Variants in NIM1K observed in about 807,000 individuals in gnomAD.
NIM1K encodes the protein NIM1 serine/threonine protein kinase, also known as serine/threonine-protein kinase NIM1.
In NIM1K, 35 loss-of-function variants were observed where a neutral mutation model predicts 37.1. The ratio of observed to expected loss-of-function variants is 0.94; its 90% CI spans 0.72 to 1.25. The LOEUF is 1.25. Ranked by LOEUF, NIM1K falls within the 50% of genes most tolerant of loss-of-function variation. The probability of loss-of-function intolerance (pLI) is 0.00; values close to 1 mark genes in which losing one functional copy is unlikely to be tolerated. For synonymous variants in NIM1K, 234 were observed against 206.6 expected, an observed-to-expected ratio of 1.13 and a Z score of -1.14; for missense variants, 564 against 548.0, an observed-to-expected ratio of 1.03 and a Z score of -0.29.
At chr5:43,278,981 G>A (rs75247284) in intron 3 of NIM1K, among the ~76,000 whole-genome samples, 156 of 152,298 alleles carry the variant, frequency 1.0e-3, no homozygotes, top group African/African-American at 3.3e-3. Context: ...GAACAGATGG[G>A]CAAAGAGTCT....
At chr5:43,198,972 T>G (rs1292357804) in intron 1 of NIM1K, among the ~76,000 whole-genome samples, 2 of 151,790 alleles carry the variant, frequency 1.3e-5, no homozygotes, top group Non-Finnish European at 2.9e-5. Flanking sequence ...GTGGATCACC[T>G]GAGGTCAGGA....
At chr5:43,255,320 C>G (rs1165627511) in intron 2 of NIM1K, among the ~76,000 whole-genome samples, 1 of 152,218 alleles carries the variant, frequency 6.6e-6, no homozygotes, top group Admixed American at 6.5e-5. Context: ...AGCCACTATT[C>G]TAGAGACTGG....
At chr5:43,252,065 A>C (rs968170476) in intron 2 of NIM1K, among the ~76,000 whole-genome samples, 2 of 152,170 alleles carry the variant, frequency 1.3e-5, no homozygotes, top group African/African-American at 4.8e-5. Context: ...AGAAGTTTCT[A>C]CAAGCCGGGA....
At chr5:43,253,150 C>G (rs1447942352) in intron 2 of NIM1K, among the ~76,000 whole-genome samples, 1 of 137,110 alleles carries the variant, frequency 7.3e-6, no homozygotes, top group Non-Finnish European at 1.5e-5. Context: ...GCCTTCATTC[C>G]TTTATATATA....
chr5:43,237,493 C>G (rs950366640), intron 1 of NIM1K, among the ~76,000 whole-genome samples: 2 of 152,032 alleles, frequency 1.3e-5, no homozygotes, highest in Non-Finnish European at 2.9e-5. Context: ...GGCAAAAGAA[C>G]AACAACAAAA....
intron 1 of NIM1K, chr5:43,206,668 C>T: frequency 1.5e-6 from 1 of 688,914 alleles, no homozygotes; most frequent in South Asian, 1.5e-5. Context: ...CCCCAGTCTC[C>T]CAAGGCCACT....
chr5:43,215,991 G>A (rs1238353339), intron 1 of NIM1K, among the ~76,000 whole-genome samples: 5 of 151,262 alleles, frequency 3.3e-5, no homozygotes, highest in African/African-American at 1.2e-4. Flanking sequence ...ACATCACTGG[G>A]GATGCAGGCA....
chr5:43,213,178 T>G (rs1295166615), intron 1 of NIM1K, among the ~76,000 whole-genome samples: 4 of 75,474 alleles, frequency 5.3e-5, no homozygotes, highest in African/African-American at 2.1e-4. Flanking sequence ...TCTTTCTTTC[T>G]TTCTTTCTTT....
At chr5:43,233,787 T>C (rs1035077122) in intron 1 of NIM1K, among the ~76,000 whole-genome samples, 2 of 152,226 alleles carry the variant, frequency 1.3e-5, no homozygotes, top group East Asian at 3.8e-4. Context: ...GGTATGAGTG[T>C]TCCCGCACCG....
intron 2 of NIM1K, among the ~76,000 whole-genome samples, chr5:43,273,619 G>T (rs909040104): frequency 3.3e-5 from 5 of 152,080 alleles, no homozygotes; most frequent in African/African-American, 1.2e-4. Context: ...CAGTCTCCTG[G>T]CTTATCTGAC....
chr5:43,241,738 G>A (rs1158710254), intron 1 of NIM1K, among the ~76,000 whole-genome samples: 1 of 151,866 alleles, frequency 6.6e-6, no homozygotes, highest in African/African-American at 2.4e-5. Flanking sequence ...TTCCCTATCA[G>A]GTTATCATTT....
At position 43,198,531 on chromosome 5, in the gene NIM1K, C is replaced by T. The variant is rs540350431; in HGVS notation, c.-695+6120C>T. 1.7e-4 allele frequency among the ~76,000 whole-genome samples: 26 copies of T among 151,816 alleles called. No homozygotes were observed. In the South Asian group the frequency reaches 4.0e-3, roughly 23 times the overall value. ...TTACTTGAACTTAAAAAAAAAAGAG[C>T]GGACTTTATTAAGTAATGATTACTG... On this transcript the variant is annotated intron_variant, in intron 1 of 3. Coordinates refer to ENST00000326035, the MANE Select transcript of NIM1K (RefSeq NM_153361.4).
intron 1 of NIM1K, among the ~76,000 whole-genome samples, chr5:43,198,965 G>A (rs912494772): frequency 6.6e-6 from 1 of 151,748 alleles, no homozygotes; most frequent in African/African-American, 2.4e-5. Context: ...AAGGTGGGTG[G>A]ATCACCTGAG....
intron 2 of NIM1K, among the ~76,000 whole-genome samples, chr5:43,262,124 AG>A (rs1318344258): frequency 3.9e-5 from 6 of 152,186 alleles, no homozygotes; most frequent in Non-Finnish European, 8.8e-5. Flanking sequence ...ACTTTAAAGT[AG>A]TTTTTTCCAC....
intron 1 of NIM1K, among the ~76,000 whole-genome samples, chr5:43,235,909 G>A (rs1482765610): frequency 6.6e-6 from 1 of 151,238 alleles, no homozygotes; most frequent in Non-Finnish European, 1.5e-5. Flanking sequence ...TGGCCAACCT[G>A]GAGGCCAAAT....
intron 2 of NIM1K, among the ~76,000 whole-genome samples, chr5:43,260,489 A>G (rs903414534): frequency 1.3e-5 from 2 of 151,874 alleles, no homozygotes; most frequent in African/African-American, 2.4e-5. Flanking sequence ...GCAATGCTGG[A>G]TTTTACTTAA....
intron 2 of NIM1K, among the ~76,000 whole-genome samples, chr5:43,263,059 G>C (rs1579606423): frequency 1.3e-5 from 2 of 152,230 alleles, no homozygotes; most frequent in East Asian, 3.9e-4. Context: ...CAGGGATATT[G>C]GTGAAAATTC....
intron 1 of NIM1K, among the ~76,000 whole-genome samples, chr5:43,214,411 C>T (rs1752267944): frequency 6.6e-6 from 1 of 152,202 alleles, no homozygotes; most frequent in Non-Finnish European, 1.5e-5. Flanking sequence ...TTCCTGGCAA[C>T]AACTGGGCCT....
At chr5:43,258,703 A>C (rs1296384848) in intron 2 of NIM1K, among the ~76,000 whole-genome samples, 2 of 152,080 alleles carry the variant, frequency 1.3e-5, no homozygotes, top group African/African-American at 4.8e-5. Flanking sequence ...TTGGCCTCCC[A>C]GAGTGTTGGT....
Sources: gnomAD v4.1 joint callset for allele counts (sites outside exome capture counted in the v4.1 genomes callset) on GRCh38, gnomAD v4.1.1 for gene constraint, MANE v1.5 for transcripts, NCBI Gene and HGNC (gene_info 2026-07-23, HGNC 2026-07-21) for gene names.